Variants in FHL5 observed in about 807,000 individuals in gnomAD.
The protein encoded by FHL5 is four and a half LIM domains 5, also known as four and a half LIM domains protein 5.
A neutral mutation model predicts 32.0 loss-of-function variants in FHL5; 33 were observed. That is an observed-to-expected ratio of 1.03 (90% CI 0.78 to 1.38). The LOEUF (loss-of-function observed/expected upper bound fraction) is 1.38, where lower values mean the gene tolerates loss of function less well. Among genes scored for constraint, FHL5 ranks in the 40% most tolerant of loss-of-function variants. FHL5 has a pLI of 0.00. For missense variants in FHL5, 336 were observed against 343.9 expected (o/e 0.98, Z 0.18); for synonymous variants, 114 against 113.6 (o/e 1.00, Z -0.02).
At chr6:96,614,580 G>A (rs1771478873) in intron 5 of FHL5, among the ~76,000 whole-genome samples, 1 of 152,178 alleles carries the variant, frequency 6.6e-6, no homozygotes, top group Admixed American at 6.5e-5. Flanking sequence ...TCCAAATGGA[G>A]TATTTGGAAA....
At position 96,606,054 on chromosome 6, in the gene FHL5, T is replaced by C. The variant is rs1562064145; in HGVS notation, c.487T>C (p.Cys163Arg). ...TTTTGAGAAGGAGTTTGCTCACTAC[T>C]GCAACTTTTGTAAGAAGGTAATTTT... ...PCFEKEFAHY[C>R]NFCKKVITSG... is the part of the protein sequence containing the mutation. Residue 163 changes from cysteine to arginine, a missense_variant, in exon 4 of 6, where the codon TGC (cysteine) becomes CGC (arginine). Transcript: ENST00000450218. 1 of 1,613,560 alleles carries C rather than the reference T, an allele frequency of 6.2e-7. No individual in the cohort carries two copies. Among genetic ancestry groups the C allele is most frequent in the Admixed American group, 1.7e-5 (1 of 59,924 alleles).
Position 96,605,871 on chromosome 6 carries a change from A to C in FHL5, c.335-31A>C, listed in dbSNP as rs772199531. 3.1e-6 allele frequency: 5 copies of C among 1,594,308 alleles called. No individual in the cohort carries two copies. In the African/African-American group the frequency reaches 6.7e-5, roughly 22 times the overall value. The stretch of plus-strand genomic sequence containing the variant: ...TAAAAAATAAAATTATGCTTGACTT[A>C]TACTAACATGGCCTTACTTTTGGAG... On this transcript the variant is annotated intron_variant, in intron 3 of 5. Transcript: ENST00000450218.
intron 1 of FHL5, among the ~76,000 whole-genome samples, chr6:96,570,322 G>A (rs975070128): frequency 6.6e-6 from 1 of 152,026 alleles, no homozygotes; most frequent in African/African-American, 2.4e-5. Context: ...CCTCGCCTGT[G>A]AGGTTTCTGT....
intron 1 of FHL5, among the ~76,000 whole-genome samples, chr6:96,601,705 G>GGAAAT (rs1295613969): frequency 1.3e-5 from 2 of 152,162 alleles, no homozygotes; most frequent in Non-Finnish European, 2.9e-5. Context: ...AAATATTAAT[G>GGAAAT]AAAACGACGT....
chr6:96,587,377 G>A (rs1038518292), intron 1 of FHL5, among the ~76,000 whole-genome samples: 4 of 152,044 alleles, frequency 2.6e-5, no homozygotes, highest in African/African-American at 9.7e-5. Flanking sequence ...TTTTTCTTCA[G>A]TTACTTATGT....
chr6:96,613,382 A>G (rs116819527), intron 5 of FHL5, among the ~76,000 whole-genome samples: 1 of 152,334 alleles, frequency 6.6e-6, no homozygotes, highest in African/African-American at 2.4e-5. Flanking sequence ...CCTTTGAGAT[A>G]GGATTAACCT....
intron 1 of FHL5, among the ~76,000 whole-genome samples, chr6:96,591,481 A>AT (rs1770916062): frequency 6.6e-6 from 1 of 152,004 alleles, no homozygotes; most frequent in Non-Finnish European, 1.5e-5. Context: ...GTTTGGTATT[A>AT]TTTTAACGTG....
chr6:96,581,481 T>C (rs1283303963), intron 1 of FHL5, among the ~76,000 whole-genome samples: 2 of 152,180 alleles, frequency 1.3e-5, no homozygotes, highest in African/African-American at 2.4e-5. Flanking sequence ...CCTGGCCCTG[T>C]GGGAGTTATT....
chr6:96,613,092 AT>A (rs1181031524), intron 5 of FHL5, among the ~76,000 whole-genome samples: 5 of 152,200 alleles, frequency 3.3e-5, no homozygotes, highest in Non-Finnish European at 7.3e-5. Context: ...TGCTAAGAGA[AT>A]AGATTTTTAA....
chr6:96,588,786 ACT>A (rs1175863801), intron 1 of FHL5, among the ~76,000 whole-genome samples: 6 of 151,390 alleles, frequency 4.0e-5, no homozygotes, highest in Admixed American at 1.3e-4. Context: ...TTGTTTTCTA[ACT>A]CTCTTTCAGT....
chr6:96,593,592 C>T (rs1255788990), intron 1 of FHL5, among the ~76,000 whole-genome samples: 1 of 152,124 alleles, frequency 6.6e-6, no homozygotes, highest in Non-Finnish European at 1.5e-5. Context: ...ATCACCTACA[C>T]AATGATAAGC....
intron 1 of FHL5, among the ~76,000 whole-genome samples, chr6:96,589,087 T>C (rs192450662): frequency 2.7e-4 from 41 of 152,268 alleles, no homozygotes; most frequent in Non-Finnish European, 4.0e-4. Flanking sequence ...CAATTATTTC[T>C]GTATCATTTC....
rs1405147476 is a variant in FHL5 at position 96,602,435 on chromosome 6, T to C, written c.-12-1167T>C. Among the ~76,000 whole-genome samples, 630 of 94,542 alleles carry C rather than the reference T, an allele frequency of 6.7e-3. 35 individuals carry two copies. The highest frequency in any genetic ancestry group is 0.026 in the African/African-American group (516 of 19,976). 62.0% of individuals were successfully genotyped at this position (94,542 alleles called of 152,430 possible). A position where few individuals can be genotyped will look rare whatever the true frequency, so the allele number is the denominator to read the frequency against. On this transcript the variant is annotated intron_variant, in intron 1 of 5. Transcript: ENST00000450218. Reference sequence around the variant, plus strand: ...TCTATATGCGTTGTTTCTTTTTTTTTTTTTTTTTTTTTTTTTTTTTTTTTT... The same window carrying C: ...TCTATATGCGTTGTTTCTTTTTTTTCTTTTTTTTTTTTTTTTTTTTTTTTT...
chr6:96,594,227 TTATATATATATATATATATATATATA>T lies in FHL5; in HGVS notation c.-12-9353_-12-9328del, dbSNP rs1178680000. On this transcript the variant is annotated intron_variant, in intron 1 of 5. Coordinates refer to ENST00000450218, the MANE Select transcript of FHL5 (RefSeq NM_001322466.2). ...AAAAGGATCCAATAAATATTAGAAT[TTATATATATATATATATATATATATA>T]TATATATATATATATATATATGTAT... 3.9e-4 allele frequency among the ~76,000 whole-genome samples: 26 copies of T among 66,882 alleles called. No homozygotes were observed. In the East Asian group the frequency reaches 5.4e-3, roughly 14 times the overall value. The allele number at this position is 66,882 out of a possible 152,430, so 43.9% of individuals were successfully genotyped here.
chr6:96,595,221 C>G (rs1455069789), intron 1 of FHL5, among the ~76,000 whole-genome samples: 1 of 151,568 alleles, frequency 6.6e-6, no homozygotes, highest in Non-Finnish European at 1.5e-5. Context: ...TCATCCTATT[C>G]TTTAAATTAA....
At chr6:96,586,769 T>C (rs892055337) in intron 1 of FHL5, among the ~76,000 whole-genome samples, 6 of 152,126 alleles carry the variant, frequency 3.9e-5, no homozygotes, top group African/African-American at 7.2e-5. Flanking sequence ...GACATCTCAA[T>C]TGGTTCAGCT....
At chr6:96,591,973 T>C (rs575930922) in intron 1 of FHL5, among the ~76,000 whole-genome samples, 16 of 152,174 alleles carry the variant, frequency 1.1e-4, no homozygotes, top group African/African-American at 3.6e-4. Flanking sequence ...GATCAGGTAC[T>C]TCACAAGATA....
chr6:96,570,928 G>A (rs1770463279), intron 1 of FHL5, among the ~76,000 whole-genome samples: 1 of 151,682 alleles, frequency 6.6e-6, no homozygotes, highest in African/African-American at 2.4e-5. Context: ...GTGTATCTGT[G>A]TTTCCTTGTA....
intron 1 of FHL5, among the ~76,000 whole-genome samples, chr6:96,567,859 CT>C (rs1454968054): frequency 4.7e-5 from 5 of 105,704 alleles, no homozygotes; most frequent in African/African-American, 1.9e-4. Context: ...TCCAACTTTA[CT>C]GAATCTGTTT....
Sources: gnomAD v4.1 joint callset for allele counts (sites outside exome capture counted in the v4.1 genomes callset) on GRCh38, gnomAD v4.1.1 for gene constraint, MANE v1.5 for transcripts, NCBI Gene and HGNC (gene_info 2026-07-23, HGNC 2026-07-21) for gene names.